Variants in NRP1 observed in about 807,000 individuals in gnomAD.
The protein encoded by NRP1 is neuropilin 1.
NRP1 carries 35 observed loss-of-function variants against 106.7 expected under a neutral mutation model. That is an observed-to-expected ratio of 0.33 (90% CI 0.25 to 0.43). NRP1 has a LOEUF of 0.43. Among genes scored for constraint, NRP1 ranks in the 20% least tolerant of loss-of-function variants. The pLI is 1.00. For missense variants in NRP1, 1,024 were observed against 1,170.4 expected, an observed-to-expected ratio of 0.87 and a Z score of 1.83; for synonymous variants, 437 against 417.9, an observed-to-expected ratio of 1.05 and a Z score of -0.56.
intron 11 of NRP1, chr10:33,201,808 A>T (rs1837331576): frequency 6.6e-6 from 1 of 152,082 alleles, no homozygotes; most frequent in Non-Finnish European, 1.5e-5. Flanking sequence ...ACAGATTTTC[A>T]ATTTTTTTTT....
intron 2 of NRP1, among the ~76,000 whole-genome samples, chr10:33,278,038 T>C (rs1843840699): frequency 6.6e-6 from 1 of 152,204 alleles, no homozygotes; most frequent in South Asian, 2.1e-4. Context: ...CCCACAAATC[T>C]AACTTCTAAA....
intron 10 of NRP1, chr10:33,205,439 C>T (rs567219735): frequency 6.6e-6 from 1 of 152,322 alleles, no homozygotes; most frequent in African/African-American, 2.4e-5. Flanking sequence ...TTTATCAAGA[C>T]AGGGGAATTG....
In NRP1 at chr10:33,284,818, C is replaced by A. The variant is rs144669141; in HGVS notation, c.249-13962G>T. The stretch of plus-strand genomic sequence containing the variant: ...TTAACTTGGTTAAACCCAACATACG[C>A]CAATCTCATTGATCACATGACCCTT... On this transcript the variant is annotated intron_variant, in intron 2 of 16. Transcript: ENST00000374867. Among the ~76,000 whole-genome samples, 17 of 152,300 alleles carry A rather than the reference C, an allele frequency of 1.1e-4. No individual in the cohort carries two copies. In the East Asian group the frequency reaches 2.9e-3, roughly 26 times the overall value.
chr10:33,236,297 A>T (rs1036317915), intron 6 of NRP1, among the ~76,000 whole-genome samples: 1 of 152,246 alleles, frequency 6.6e-6, no homozygotes, highest in Non-Finnish European at 1.5e-5. Context: ...TCAAATATGT[A>T]TACATGGGAT....
intron 2 of NRP1, among the ~76,000 whole-genome samples, chr10:33,329,474 A>G (rs770159652): frequency 6.6e-5 from 10 of 152,204 alleles, no homozygotes; most frequent in East Asian, 1.9e-4. Flanking sequence ...GAAGATTTTG[A>G]TATTACTCTG....
intron 6 of NRP1, among the ~76,000 whole-genome samples, chr10:33,232,638 C>CTTTTTTTTTTTTTTTT (rs71030049): frequency 7.4e-5 from 7 of 94,212 alleles, no homozygotes; most frequent in African/African-American, 9.0e-5. Context: ...TTTTCTTTTC[C>CTTTTTTTTTTTTTTTT]TTTTTTTTTT....
chr10:33,208,964 T>C (rs1838053429), intron 9 of NRP1, among the ~76,000 whole-genome samples: 2 of 140,128 alleles, frequency 1.4e-5, no homozygotes, highest in African/African-American at 5.4e-5. Context: ...TGGAGTGCAG[T>C]GGCATGATCT....
chr10:33,179,029 A>G lies in NRP1; in HGVS notation c.*1047T>C, dbSNP rs41276082. ...CAGAGAGATAGGAGAGAGAAAGAGA[A>G]GAGAGTTTACATTTGAAAATACATT... On this transcript the variant is annotated 3_prime_UTR_variant, in exon 17 of 17. Coordinates refer to ENST00000374867, the MANE Select transcript of NRP1 (RefSeq NM_003873.7). 0.033 allele frequency: 4,993 copies of G among 152,760 alleles called. 108 individuals are homozygous for G. Among genetic ancestry groups the G allele is most frequent in the Non-Finnish European group, 0.05 (3,432 of 68,024 alleles). The allele number at this position is 152,760 out of a possible 1,614,324, so 9.5% of individuals were successfully genotyped here. A position where few individuals can be genotyped will look rare whatever the true frequency, so the allele number is the denominator to read the frequency against.
intron 2 of NRP1, among the ~76,000 whole-genome samples, chr10:33,326,423 C>A (rs907013714): frequency 2.0e-5 from 3 of 152,188 alleles, no homozygotes; most frequent in Non-Finnish European, 4.4e-5. Context: ...TGACACTTCA[C>A]AAGTGTGCAG....
intron 12 of NRP1, among the ~76,000 whole-genome samples, chr10:33,193,610 T>C (rs551444500): frequency 6.6e-6 from 1 of 152,162 alleles, no homozygotes; most frequent in African/African-American, 2.4e-5. Context: ...AGAATCCCTA[T>C]GAACAATAAG....
At chr10:33,310,131 A>G (rs1471943212) in intron 2 of NRP1, among the ~76,000 whole-genome samples, 2 of 151,026 alleles carry the variant, frequency 1.3e-5, no homozygotes, top group Non-Finnish European at 1.5e-5. Flanking sequence ...TTGTATTTTT[A>G]GTAGAGACGG....
At chr10:33,323,082 G>C (rs1279340810) in intron 2 of NRP1, among the ~76,000 whole-genome samples, 1 of 152,090 alleles carries the variant, frequency 6.6e-6, no homozygotes, top group Non-Finnish European at 1.5e-5. Context: ...GCAAGAGCCC[G>C]GCATAGGTTG....
chr10:33,192,449 C>T lies in NRP1; in HGVS notation c.1925-31G>A, dbSNP rs375951996. On this transcript the variant is annotated intron_variant, in intron 12 of 16. Coordinates refer to ENST00000374867, the MANE Select transcript of NRP1 (RefSeq NM_003873.7). ...GTGGGTGGGAAGTAAAAATAAGAGA[C>T]AAGCAAAGAAAGGCAAATTTGATCA... 5.0e-6 allele frequency: 8 copies of T among 1,609,644 alleles called. No homozygotes were observed. In the South Asian group the frequency reaches 7.7e-5, roughly 16 times the overall value.
At chr10:33,237,638 G>A (rs1415810628) in intron 6 of NRP1, among the ~76,000 whole-genome samples, 3 of 140,580 alleles carry the variant, frequency 2.1e-5, no homozygotes, top group East Asian at 4.2e-4. Flanking sequence ...GGAGTGCAAC[G>A]GTGGATCTCA....
chr10:33,248,875 C>G (rs1258974446), intron 6 of NRP1, among the ~76,000 whole-genome samples: 3 of 152,120 alleles, frequency 2.0e-5, no homozygotes, highest in African/African-American at 7.2e-5. Flanking sequence ...CTCTGCTCCT[C>G]CAGAATAAGT....
intron 11 of NRP1, among the ~76,000 whole-genome samples, chr10:33,198,241 A>G (rs865860738): frequency 7.9e-5 from 12 of 151,252 alleles, no homozygotes; most frequent in Middle Eastern, 6.8e-3. Flanking sequence ...TCCCAGGTTC[A>G]AGCGATTCTC....
chr10:33,234,798 C>A (rs559125124), intron 6 of NRP1, among the ~76,000 whole-genome samples: 2 of 152,228 alleles, frequency 1.3e-5, no homozygotes, highest in Admixed American at 6.5e-5. Flanking sequence ...ACAAATAAAA[C>A]CTTTGCTCAT....
intron 13 of NRP1, among the ~76,000 whole-genome samples, chr10:33,189,513 C>T (rs978008215): frequency 2.6e-5 from 4 of 152,178 alleles, no homozygotes; most frequent in South Asian, 2.1e-4. Context: ...GTTCCTCAAG[C>T]GTAGGGACCT....
At chr10:33,320,217 G>A (rs1357763757) in intron 2 of NRP1, among the ~76,000 whole-genome samples, 1 of 151,866 alleles carries the variant, frequency 6.6e-6, no homozygotes, top group Non-Finnish European at 1.5e-5. Flanking sequence ...GGAGGCTGAG[G>A]CAGGAAAATC....
Sources: gnomAD v4.1 joint callset for allele counts (sites outside exome capture counted in the v4.1 genomes callset) on GRCh38, gnomAD v4.1.1 for gene constraint, MANE v1.5 for transcripts, NCBI Gene and HGNC (gene_info 2026-07-23, HGNC 2026-07-21) for gene names.